KAZN: variants seen among roughly 807,000 people sequenced by gnomAD.
The protein encoded by KAZN is kazrin, periplakin interacting protein.
Under a neutral mutation model 87.4 loss-of-function variants are expected in KAZN, and 40 were observed. The observed-to-expected ratio is 0.46, with a 90% CI of 0.36 to 0.60. The LOEUF is 0.60. KAZN is among the 20% of genes least tolerant of loss of function. The probability of loss-of-function intolerance (pLI) is 0.00; values close to 1 mark genes in which losing one functional copy is unlikely to be tolerated. For missense variants in KAZN, 898 were observed against 1,073.9 expected (o/e 0.84, Z 2.29); for synonymous variants, 466 against 458.3 (o/e 1.02, Z -0.22).
chr1:15,024,954 C>G (rs1002383664), intron 2 of KAZN, among the ~76,000 whole-genome samples: 1 of 152,148 alleles, frequency 6.6e-6, no homozygotes, highest in Non-Finnish European at 1.5e-5. Context: ...CTGTCCCTCC[C>G]AGGGAGGGCA....
chr1:15,114,144 C>G (rs1404864827), intron 14 of KAZN: 1 of 253,886 alleles, frequency 3.9e-6, no homozygotes, highest in Non-Finnish European at 7.8e-6. Context: ...CCAGGACACA[C>G]TTCCTCAACT....
intron 8 of KAZN, among the ~76,000 whole-genome samples, chr1:15,069,072 G>A (rs1201503898): frequency 1.3e-5 from 2 of 151,916 alleles, no homozygotes; most frequent in Non-Finnish European, 2.9e-5. Flanking sequence ...TGGAATTGAA[G>A]TGTATTTAAA....
chr1:13,942,788 A>C (rs1640989039), intron 1 of KAZN, among the ~76,000 whole-genome samples: 1 of 152,172 alleles, frequency 6.6e-6, no homozygotes, highest in Non-Finnish European at 1.5e-5. Context: ...AATTTTGTCA[A>C]ATAGCTAGAA....
chr1:14,190,678 G>T (rs908451409), intron 2 of KAZN, among the ~76,000 whole-genome samples: 2 of 152,088 alleles, frequency 1.3e-5, no homozygotes, highest in Non-Finnish European at 2.9e-5. Context: ...TCTACCATGA[G>T]AACAAGCCTG....
intron 2 of KAZN, among the ~76,000 whole-genome samples, chr1:14,348,258 G>A (rs1658261732): frequency 6.6e-6 from 1 of 151,856 alleles, no homozygotes; most frequent in Non-Finnish European, 1.5e-5. Flanking sequence ...CACTATGTTG[G>A]CCAGGCTGGT....
intron 1 of KAZN, among the ~76,000 whole-genome samples, chr1:14,871,681 T>C (rs897904269): frequency 1.3e-5 from 2 of 150,992 alleles, no homozygotes; most frequent in African/African-American, 2.4e-5. Flanking sequence ...TGTGTGTGTG[T>C]GCACCTGCAT....
intron 2 of KAZN, among the ~76,000 whole-genome samples, chr1:14,585,832 G>A (rs1675819023): frequency 2.6e-5 from 4 of 152,166 alleles, no homozygotes; most frequent in Admixed American, 6.5e-5. Flanking sequence ...CAGCTAAAGT[G>A]TCACATCGCC....
At chr1:14,353,302 G>A (rs1054744811) in intron 2 of KAZN, among the ~76,000 whole-genome samples, 7 of 149,076 alleles carry the variant, frequency 4.7e-5, no homozygotes, top group Non-Finnish European at 8.9e-5. Flanking sequence ...TTGGCTCACT[G>A]CAAGCTCTGC....
intron 1 of KAZN, among the ~76,000 whole-genome samples, chr1:14,173,995 G>C (rs1646014101): frequency 6.6e-6 from 1 of 152,188 alleles, no homozygotes; most frequent in Non-Finnish European, 1.5e-5. Context: ...GACCAGCATT[G>C]AATATTTGGT....
intron 2 of KAZN, among the ~76,000 whole-genome samples, chr1:14,460,257 C>T (rs1042948845): frequency 6.6e-6 from 1 of 152,226 alleles, no homozygotes; most frequent in Non-Finnish European, 1.5e-5. Flanking sequence ...TAACCAACTC[C>T]ATGCTGGATG....
At chr1:15,068,607 A>T (rs1372649612) in intron 8 of KAZN, among the ~76,000 whole-genome samples, 1 of 151,666 alleles carries the variant, frequency 6.6e-6, no homozygotes, top group African/African-American at 2.4e-5. Flanking sequence ...CTTCAGGGAG[A>T]TAGAGAGGGA....
chr1:14,201,955 A>T (rs922114856), intron 2 of KAZN, among the ~76,000 whole-genome samples: 5 of 152,252 alleles, frequency 3.3e-5, no homozygotes, highest in Non-Finnish European at 5.9e-5. Context: ...GGCGTGAGCC[A>T]CTGCGCCTGG....
intron 2 of KAZN, among the ~76,000 whole-genome samples, chr1:14,419,952 A>C (rs768423766): frequency 1.3e-5 from 2 of 152,274 alleles, no homozygotes; most frequent in East Asian, 1.9e-4. Flanking sequence ...CACAAGGTGG[A>C]AGGGAACATT....
chr1:14,943,070 GTT>G (rs61100647), intron 1 of KAZN, among the ~76,000 whole-genome samples: 16,657 of 119,000 alleles, frequency 0.14, 2,063 homozygotes, highest in African/African-American at 0.27. Flanking sequence ...AGAGCCTTGG[GTT>G]TTTTTTTTTT....
chr1:14,481,165 A>G (rs1669061883), intron 2 of KAZN, among the ~76,000 whole-genome samples: 1 of 152,060 alleles, frequency 6.6e-6, no homozygotes, highest in African/African-American at 2.4e-5. Context: ...ATCTAAGTTC[A>G]AATTCTACCT....
At chr1:15,044,411 G>A (rs911619604) in intron 4 of KAZN, among the ~76,000 whole-genome samples, 10 of 152,156 alleles carry the variant, frequency 6.6e-5, no homozygotes, top group Non-Finnish European at 1.5e-4. Flanking sequence ...GGAGTGTGGA[G>A]ACGCTGGGAA....
chr1:14,166,209 G>A (rs553123039), intron 1 of KAZN, among the ~76,000 whole-genome samples: 15 of 152,294 alleles, frequency 9.8e-5, no homozygotes, highest in African/African-American at 3.6e-4. Context: ...CAGCTACCCA[G>A]GAGACTGAGG....
chr1:14,309,499 C>T (rs537723889), intron 2 of KAZN, among the ~76,000 whole-genome samples: 36 of 152,132 alleles, frequency 2.4e-4, no homozygotes, highest in Non-Finnish European at 4.3e-4. Context: ...CCTTGGAGGC[C>T]ACAGGGAGGA....
At position 14,401,953 on chromosome 1, in the gene KAZN, C is replaced by T. The variant is rs181447224; in HGVS notation, c.250-197030C>T. On this transcript the variant is annotated intron_variant, in intron 2 of 16. Transcript: ENST00000636203. ...GTAAAGTTCAAAAGAGGTAAGAATGCCTGCTATCACATCTATTATCCAACA... is the reference window on the plus strand; with the variant it reads ...GTAAAGTTCAAAAGAGGTAAGAATGTCTGCTATCACATCTATTATCCAACA... 1.7e-3 allele frequency among the ~76,000 whole-genome samples: 254 copies of T among 152,008 alleles called. 2 individuals carry two copies. The Middle Eastern group carries it at 0.02, about 12-fold the overall frequency.
Sources: allele counts gnomAD v4.1 joint callset (sites outside exome capture counted in the v4.1 genomes callset), GRCh38; gene constraint gnomAD v4.1.1; transcripts MANE v1.5; gene names NCBI Gene and HGNC (gene_info 2026-07-23, HGNC 2026-07-21).